Variants in ETV6 observed in about 807,000 individuals in gnomAD.
ETV6 encodes ETS variant transcription factor 6.
ETV6 carries 16 observed loss-of-function variants against 51.1 expected under a neutral mutation model. The ratio of observed to expected loss-of-function variants is 0.31; its 90% CI spans 0.21 to 0.48. The LOEUF is 0.48. ETV6 is among the 20% of genes least tolerant of loss of function. The pLI is 0.99. For missense variants in ETV6, 458 were observed against 594.8 expected (o/e 0.77, Z 2.39); for synonymous variants, 240 against 224.1 (o/e 1.07, Z -0.64).
intron 1 of ETV6, among the ~76,000 whole-genome samples, chr12:11,698,011 T>A (rs747014078): frequency 1.3e-4 from 20 of 152,138 alleles, no homozygotes; most frequent in Non-Finnish European, 2.9e-4. Context: ...AAAAAAAATT[T>A]AAAAAAACCT....
intron 2 of ETV6, among the ~76,000 whole-genome samples, chr12:11,823,105 G>A (rs1346323159): frequency 2.0e-5 from 3 of 152,276 alleles, no homozygotes; most frequent in East Asian, 1.9e-4. Flanking sequence ...AAGACCAACC[G>A]CACCTGTAGG....
At chr12:11,849,135 C>T (rs992790393) in intron 3 of ETV6, among the ~76,000 whole-genome samples, 2 of 144,130 alleles carry the variant, frequency 1.4e-5, no homozygotes, top group African/African-American at 5.0e-5. Context: ...TTGTTTGAAA[C>T]AAGGTCTCAC....
At chr12:11,698,361 A>G (rs781167153) in intron 1 of ETV6, among the ~76,000 whole-genome samples, 7 of 152,260 alleles carry the variant, frequency 4.6e-5, no homozygotes, top group Non-Finnish European at 1.0e-4. Context: ...ATCTGGACAC[A>G]GTTTACCTGG....
chr12:11,796,766 C>CTT (rs764589630), intron 2 of ETV6, among the ~76,000 whole-genome samples: 90 of 143,502 alleles, frequency 6.3e-4, no homozygotes, highest in Middle Eastern at 3.6e-3. Flanking sequence ...TCTTCCTTTT[C>CTT]TTTTTTTTTT....
At chr12:11,834,732 G>A (rs1192863246) in intron 2 of ETV6, among the ~76,000 whole-genome samples, 1 of 152,202 alleles carries the variant, frequency 6.6e-6, no homozygotes, top group Admixed American at 6.5e-5. Context: ...AAATCTCAGG[G>A]TCATGGCCAT....
intron 1 of ETV6, among the ~76,000 whole-genome samples, chr12:11,735,436 G>A (rs1044581062): frequency 7.2e-5 from 11 of 152,264 alleles, no homozygotes; most frequent in African/African-American, 1.9e-4. Context: ...AAACATCCAC[G>A]TAAGTGTTGT....
At chr12:11,828,571 A>C (rs903123771) in intron 2 of ETV6, among the ~76,000 whole-genome samples, 2 of 152,222 alleles carry the variant, frequency 1.3e-5, no homozygotes, top group African/African-American at 4.8e-5. Flanking sequence ...TAAAAAAAAT[A>C]CTAAACGGAT....
At chr12:11,862,561 G>A (rs1459787064) in intron 4 of ETV6, among the ~76,000 whole-genome samples, 3 of 152,186 alleles carry the variant, frequency 2.0e-5, no homozygotes, top group Admixed American at 1.3e-4. Context: ...CTCGTTTCTG[G>A]TGGTTTGCTG....
intron 2 of ETV6, among the ~76,000 whole-genome samples, chr12:11,757,913 A>G (rs182654470): frequency 6.6e-6 from 1 of 152,098 alleles, no homozygotes; most frequent in African/African-American, 2.4e-5. Context: ...GGTTTTGTTC[A>G]CCAGTCCTGC....
intron 2 of ETV6, among the ~76,000 whole-genome samples, chr12:11,812,649 C>G (rs181425783): frequency 2.6e-3 from 389 of 152,280 alleles, no homozygotes; most frequent in African/African-American, 8.9e-3. Flanking sequence ...CGCCACCGCC[C>G]TCAGTATTCT....
At chr12:11,827,791 G>A (rs972778294) in intron 2 of ETV6, among the ~76,000 whole-genome samples, 9 of 152,214 alleles carry the variant, frequency 5.9e-5, no homozygotes, top group African/African-American at 2.2e-4. Context: ...GCACAGGAAT[G>A]TTCTGCAGAC....
intron 5 of ETV6, among the ~76,000 whole-genome samples, chr12:11,874,362 G>C (rs1453879427): frequency 1.1e-5 from 1 of 94,214 alleles, no homozygotes; most frequent in Non-Finnish European, 2.1e-5. Flanking sequence ...GGGCAACAGA[G>C]TGATACTCTG....
chr12:11,654,670 A>G (rs1863966982), intron 1 of ETV6, among the ~76,000 whole-genome samples: 1 of 152,108 alleles, frequency 6.6e-6, no homozygotes, highest in Non-Finnish European at 1.5e-5. Flanking sequence ...AGATGAGAGA[A>G]GAAGGGCCTG....
intron 1 of ETV6, 147 bp downstream of exon 1, chr12:11,650,307 G>A (rs1863867761): frequency 2.7e-6 from 2 of 739,786 alleles, no homozygotes; most frequent in Non-Finnish European, 4.8e-6. Context: ...GATGCAGCTC[G>A]CGGTGGCTGC....
intron 2 of ETV6, among the ~76,000 whole-genome samples, chr12:11,794,280 A>G (rs1032763074): frequency 1.3e-5 from 2 of 152,200 alleles, no homozygotes; most frequent in African/African-American, 4.8e-5. Context: ...CTAAGCTCAA[A>G]GACAAGGAAG....
intron 1 of ETV6, among the ~76,000 whole-genome samples, chr12:11,746,917 T>A (rs1865920329): frequency 6.6e-6 from 1 of 152,004 alleles, no homozygotes. Flanking sequence ...GCCTTCTGAT[T>A]TTAGGATGTA....
intron 2 of ETV6, among the ~76,000 whole-genome samples, chr12:11,771,302 G>A (rs1945238973): frequency 6.6e-6 from 1 of 152,188 alleles, no homozygotes; most frequent in South Asian, 2.1e-4. Context: ...TCTAACCTAG[G>A]GAGCCATTGC....
At chr12:11,781,145 G>A (rs1356755245) in intron 2 of ETV6, among the ~76,000 whole-genome samples, 2 of 152,214 alleles carry the variant, frequency 1.3e-5, no homozygotes, top group Non-Finnish European at 2.9e-5. Flanking sequence ...CTCTTAGGAA[G>A]TGTTTATTTT....
intron 2 of ETV6, among the ~76,000 whole-genome samples, chr12:11,756,259 C>G (rs1041854596): frequency 3.3e-5 from 5 of 152,298 alleles, no homozygotes; most frequent in Non-Finnish European, 4.4e-5. Context: ...CCGTGCCATC[C>G]TGCTCTGACT....
Sources: allele counts gnomAD v4.1 joint callset (sites outside exome capture counted in the v4.1 genomes callset), GRCh38; gene constraint gnomAD v4.1.1; transcripts MANE v1.5; gene names NCBI Gene and HGNC (gene_info 2026-07-23, HGNC 2026-07-21).